Variants in SDHAF3 observed in about 807,000 individuals in gnomAD.
SDHAF3 encodes succinate dehydrogenase assembly factor 3, mitochondrial.
A neutral mutation model predicts 11.5 loss-of-function variants in SDHAF3; 18 were observed. That is an observed-to-expected ratio of 1.56 (90% CI 1.08 to 2.32). SDHAF3 has a LOEUF of 2.32. Ranked by LOEUF, SDHAF3 falls within the 30% of genes most tolerant of loss-of-function variation. The pLI is 0.00. For synonymous variants in SDHAF3, 72 were observed against 59.3 expected (o/e 1.21, Z -0.99); for missense variants, 200 against 154.4 (o/e 1.30, Z -1.57).
chr7:97,140,792 A>G (rs976746089), intron 1 of SDHAF3, among the ~76,000 whole-genome samples: 9 of 152,210 alleles, frequency 5.9e-5, no homozygotes, highest in Non-Finnish European at 5.9e-5. Flanking sequence ...TTAACTGCAC[A>G]AATTGTTTGT....
chr7:97,136,794 T>C (rs1159375121), intron 1 of SDHAF3, among the ~76,000 whole-genome samples: 1 of 152,174 alleles, frequency 6.6e-6, no homozygotes, highest in Non-Finnish European at 1.5e-5. Context: ...CTTACTATTG[T>C]TTGATTAATA....
At chr7:97,127,247 C>T (rs977436695) in intron 1 of SDHAF3, among the ~76,000 whole-genome samples, 2 of 152,232 alleles carry the variant, frequency 1.3e-5, no homozygotes, top group South Asian at 2.1e-4. Flanking sequence ...TCCTATTTGG[C>T]TATCTTGCCA....
intron 1 of SDHAF3, among the ~76,000 whole-genome samples, chr7:97,137,064 G>A: frequency 6.6e-6 from 1 of 151,982 alleles, no homozygotes; most frequent in East Asian, 1.9e-4. Context: ...GGCTGTCTGG[G>A]AGCCTCACTA....
rs577031118 is a variant in SDHAF3 at position 97,181,762 on chromosome 7, A to T, written c.*547A>T. The T allele has an allele frequency of 6.6e-6, 1 of 152,542 alleles. No homozygotes were observed. The highest frequency in any genetic ancestry group is 6.5e-5 in the Admixed American group (1 of 15,320). The allele number at this position is 152,542 out of a possible 1,614,324, so 9.4% of individuals were successfully genotyped here. A position where few individuals can be genotyped will look rare whatever the true frequency, so the allele number is the denominator to read the frequency against. ...TTGTATAATAAACTATACAAAGTAT[A>T]ATACGTTTCCTCCAGTGTTTGTTTG... On this transcript the variant is annotated 3_prime_UTR_variant, in exon 2 of 2. Transcript: ENST00000432641.
At chr7:97,144,088 T>C (rs561412948) in intron 1 of SDHAF3, among the ~76,000 whole-genome samples, 1 of 152,306 alleles carries the variant, frequency 6.6e-6, no homozygotes, top group South Asian at 2.1e-4. Context: ...TGATCATTAG[T>C]GATGCTGAGC....
Position 97,117,843 on chromosome 7 carries a change from G to A in SDHAF3, c.120G>A (p.Arg40=), listed in dbSNP as rs1207364249. ...ACCAGTACGTGAAAGACGAATTTAG[G>A]AGACATAAGACCGTTGGTTCTGACG... ...LGDQYVKDEF[R]RHKTVGSDEA... The change falls in exon 1 of 2, where the codon AGG becomes AGA. Residue 40 remains arginine, a synonymous_variant. Transcript: ENST00000432641. The A allele has an allele frequency of 6.2e-7, 1 of 1,614,220 alleles. No individual in the cohort carries two copies. The highest frequency in any genetic ancestry group is 2.2e-5 in the East Asian group (1 of 44,882).
At chr7:97,157,591 A>G (rs966805282) in intron 1 of SDHAF3, among the ~76,000 whole-genome samples, 1 of 152,194 alleles carries the variant, frequency 6.6e-6, no homozygotes, top group Non-Finnish European at 1.5e-5. Context: ...TAGAAATACC[A>G]TTTGACCCAG....
At chr7:97,179,710 C>T (rs1249994483) in intron 1 of SDHAF3, among the ~76,000 whole-genome samples, 1 of 151,878 alleles carries the variant, frequency 6.6e-6, no homozygotes, top group Non-Finnish European at 1.5e-5. Flanking sequence ...TGACCCCTCC[C>T]CACCCCTACC....
At chr7:97,121,841 GTTTTT>G (rs59598335) in intron 1 of SDHAF3, among the ~76,000 whole-genome samples, 20 of 135,760 alleles carry the variant, frequency 1.5e-4, no homozygotes, top group African/African-American at 5.3e-4. Flanking sequence ...AGGTTTTTTG[GTTTTT>G]TTTTTTTGTT....
intron 1 of SDHAF3, among the ~76,000 whole-genome samples, chr7:97,163,367 C>T (rs1457312629): frequency 6.6e-6 from 1 of 152,100 alleles, no homozygotes; most frequent in Non-Finnish European, 1.5e-5. Flanking sequence ...GTCTTGAACT[C>T]CTGATCTTGT....
chr7:97,170,098 G>GTT (rs199512966), intron 1 of SDHAF3, among the ~76,000 whole-genome samples: 1,459 of 144,294 alleles, frequency 0.01, 7 homozygotes, highest in Non-Finnish European at 0.012. Flanking sequence ...TGGCTAGTTC[G>GTT]TTTTTTTTTT....
intron 1 of SDHAF3, among the ~76,000 whole-genome samples, chr7:97,148,191 T>C (rs1562825301): frequency 6.6e-6 from 1 of 152,146 alleles, no homozygotes. Flanking sequence ...CTGAACTTTT[T>C]AAAAACTGAA....
At chr7:97,152,946 G>A (rs1303557174) in intron 1 of SDHAF3, among the ~76,000 whole-genome samples, 1 of 152,214 alleles carries the variant, frequency 6.6e-6, no homozygotes, top group African/African-American at 2.4e-5. Flanking sequence ...TTACAGGCAT[G>A]AACCACTGCA....
intron 1 of SDHAF3, among the ~76,000 whole-genome samples, chr7:97,128,971 C>T (rs1351175102): frequency 6.6e-6 from 1 of 152,050 alleles, no homozygotes; most frequent in Non-Finnish European, 1.5e-5. Context: ...TCCTTAGTAG[C>T]AGAGATTAAC....
At chr7:97,167,810 C>T (rs1789533129) in intron 1 of SDHAF3, among the ~76,000 whole-genome samples, 1 of 152,160 alleles carries the variant, frequency 6.6e-6, no homozygotes, top group South Asian at 2.1e-4. Context: ...AGTGCAGGGG[C>T]TGCAAAACAA....
At chr7:97,131,612 G>A (rs1356916007) in intron 1 of SDHAF3, among the ~76,000 whole-genome samples, 1 of 152,140 alleles carries the variant, frequency 6.6e-6, no homozygotes, top group Non-Finnish European at 1.5e-5. Flanking sequence ...CTCTTAAGAT[G>A]TGATTATATT....
chr7:97,125,467 CTCAA>C (rs80322084), intron 1 of SDHAF3, among the ~76,000 whole-genome samples: 16,225 of 152,136 alleles, frequency 0.11, 860 homozygotes, highest in Middle Eastern at 0.15. Flanking sequence ...TTTCAGGAAC[CTCAA>C]TCAATCGTAG....
Position 97,117,767 on chromosome 7 carries a change from G to A in SDHAF3, c.44G>A (p.Arg15His). 6.2e-7 allele frequency: 1 copy of A among 1,614,156 alleles called. No individual in the cohort carries two copies. Among genetic ancestry groups the A allele is most frequent in the Non-Finnish European group, 8.5e-7 (1 of 1,180,030 alleles). ...HVSRVRALYK[R>H]VLQLHRVLPP... ...TCTCGAGTCCGGGCATTGTACAAGC[G>A]CGTCTTGCAGCTGCACCGTGTTCTG... is the stretch of plus-strand genomic sequence containing the variant. Residue 15 changes from arginine (R) to histidine (H), a missense_variant, in exon 1 of 2, where the codon CGC becomes CAC. By Grantham distance (29) the Arg-to-His change is conservative. Transcript: ENST00000432641.
intron 1 of SDHAF3, among the ~76,000 whole-genome samples, chr7:97,171,377 T>C (rs1789599807): frequency 6.6e-6 from 1 of 152,176 alleles, no homozygotes; most frequent in African/African-American, 2.4e-5. Flanking sequence ...TCATTTTAGC[T>C]ATCCAGGAAG....
Sources: allele counts gnomAD v4.1 joint callset (sites outside exome capture counted in the v4.1 genomes callset), GRCh38; gene constraint gnomAD v4.1.1; transcripts MANE v1.5; gene names NCBI Gene and HGNC (gene_info 2026-07-23, HGNC 2026-07-21).